The following DYNC2LI1 variants were observed in gnomAD, a reference collection of about 807,000 sequenced individuals.
DYNC2LI1 encodes the protein cytoplasmic dynein 2 light intermediate chain 1.
In DYNC2LI1, 45 loss-of-function variants were observed where a neutral mutation model predicts 51.9. That is an observed-to-expected ratio of 0.87 (90% confidence interval 0.68 to 1.11). The LOEUF (loss-of-function observed/expected upper bound fraction) is 1.11. Among genes scored for constraint, DYNC2LI1 ranks in the 50% most tolerant of loss-of-function variants. The pLI, the probability that DYNC2LI1 is intolerant of heterozygous loss-of-function variation, is 0.00. For synonymous variants in DYNC2LI1, 130 were observed against 137.8 expected (o/e 0.94, Z 0.40); for missense variants, 490 against 417.4 (o/e 1.17, Z -1.51).
At chr2:43,821,556 A>G in the DYNC2LI1 span, among the ~76,000 whole-genome samples, 6 of 152,050 alleles carry the variant, frequency 3.9e-5, no homozygotes, top group African/African-American at 1.4e-4. Flanking sequence ...CCCTTCTGCC[A>G]TTCTTTGCCT....
intron 5 of DYNC2LI1, 57 bp downstream of exon 5, chr2:43,789,778 A>G: frequency 6.7e-7 from 1 of 1,485,102 alleles, no homozygotes. Flanking sequence ...CCTAGGAGGA[A>G]TATGAGTTGG....
At chr2:43,810,496 T>C, downstream of DYNC2LI1, 3 of 985,432 alleles carry the variant, frequency 3.0e-6, no homozygotes, top group Non-Finnish European at 3.6e-6. Context: ...TCTGTAGATG[T>C]GTGTACCTGC....
chr2:43,817,507 AAAAT>A, the DYNC2LI1 span, among the ~76,000 whole-genome samples: 1 of 151,712 alleles, frequency 6.6e-6, no homozygotes, highest in Non-Finnish European at 1.5e-5. Context: ...AACAAAAATA[AAAAT>A]AAAGAGCAAC....
the DYNC2LI1 span, chr2:43,820,009 C>G: frequency 1.9e-6 from 3 of 1,614,054 alleles, no homozygotes; most frequent in African/African-American, 4.0e-5. Flanking sequence ...CCAAGTAGCA[C>G]AAGAGTTAGA....
At chr2:43,794,435 A>G in intron 5 of DYNC2LI1, 22 bp from the exon 6 acceptor site, 4 of 1,578,180 alleles carry the variant, frequency 2.5e-6, no homozygotes, top group Non-Finnish European at 3.4e-6. Context: ...GTCTTTTTTG[A>G]AAAGTGTTTT....
chr2:43,824,656 G>A, the DYNC2LI1 span: 1 of 984,526 alleles, frequency 1.0e-6, no homozygotes, highest in Admixed American at 6.2e-5. Context: ...AGCTAATTAT[G>A]CTCTGATAAA....
chr2:43,783,645 AT>A, intron 3 of DYNC2LI1, 91 bp downstream of exon 3: 1 of 722,514 alleles, frequency 1.4e-6, no homozygotes, highest in Non-Finnish European at 2.2e-6. Context: ...AAGGGGAACG[AT>A]TTTGAGACCC....
At chr2:43,785,458 G>T (rs770298157) in intron 3 of DYNC2LI1, among the ~76,000 whole-genome samples, 4 of 152,074 alleles carry the variant, frequency 2.6e-5, no homozygotes, top group Non-Finnish European at 5.9e-5. Context: ...ATTGGGGTGG[G>T]TGCAGTGGCT....
intron 2 of DYNC2LI1, among the ~76,000 whole-genome samples, chr2:43,778,641 A>T (rs961992345): frequency 6.6e-6 from 1 of 152,216 alleles, no homozygotes; most frequent in African/African-American, 2.4e-5. Context: ...TTCTGTACAC[A>T]GAATATTAGA....
chr2:43,822,467 C>G, the DYNC2LI1 span: 13 of 797,698 alleles, frequency 1.6e-5, no homozygotes, highest in Non-Finnish European at 1.9e-5. Context: ...CTGCTTTCTC[C>G]CCTCCCCCAG....
intron 3 of DYNC2LI1, among the ~76,000 whole-genome samples, chr2:43,783,904 G>A (rs1424512220): frequency 6.6e-6 from 1 of 152,054 alleles, no homozygotes; most frequent in Non-Finnish European, 1.5e-5. Flanking sequence ...GTAAGCTTTA[G>A]TTGCTCAGGG....
chr2:43,788,339 T>G (rs956039485), intron 4 of DYNC2LI1, among the ~76,000 whole-genome samples: 35 of 152,256 alleles, frequency 2.3e-4, no homozygotes, highest in African/African-American at 8.0e-4. Context: ...AAACTTATTT[T>G]ATTGACAATC....
intron 1 of DYNC2LI1, among the ~76,000 whole-genome samples, chr2:43,775,537 C>T (rs1167686865): frequency 6.6e-6 from 1 of 150,578 alleles, no homozygotes; most frequent in African/African-American, 2.4e-5. Context: ...CTTGCTGTGT[C>T]ACCCAGGCTG....
chr2:43,792,911 A>T, intron 5 of DYNC2LI1: 1 of 1,177,178 alleles, frequency 8.5e-7, no homozygotes, highest in Non-Finnish European at 1.1e-6. Context: ...CATGCAGAAC[A>T]TTTGGGTTGT....
chr2:43,817,553 T>G, the DYNC2LI1 span, among the ~76,000 whole-genome samples: 2 of 151,926 alleles, frequency 1.3e-5, no homozygotes, highest in Non-Finnish European at 2.9e-5. Flanking sequence ...CTAATACAAA[T>G]GCTTCTTATG....
intron 4 of DYNC2LI1, 102 bp from the exon 5 acceptor site, chr2:43,789,531 T>G: frequency 1.0e-6 from 1 of 968,542 alleles, no homozygotes; most frequent in Non-Finnish European, 1.5e-6. Context: ...AAAGGGTTGA[T>G]TAAGGACTGC....
intron 12 of DYNC2LI1, 49 bp from the exon 13 acceptor site, chr2:43,809,656 G>C (rs1325650190): frequency 1.4e-6 from 2 of 1,403,610 alleles, no homozygotes; most frequent in South Asian, 1.2e-5. Flanking sequence ...GTGCCTCCTT[G>C]AATTAGTAAA....
At chr2:43,822,477 G>GCCC in the DYNC2LI1 span, 349 of 349,870 alleles carry the variant, frequency 1.0e-3, 1 homozygote, top group African/African-American at 3.9e-3. Flanking sequence ...CCCTCCCCCA[G>GCCC]GCCCCCCCCC....
chr2:43,808,157 C>G (rs567427496), intron 12 of DYNC2LI1, among the ~76,000 whole-genome samples: 7 of 151,812 alleles, frequency 4.6e-5, no homozygotes, highest in African/African-American at 1.5e-4. Flanking sequence ...TGGTAGATAA[C>G]TGGTGAACTG....
Sources: gnomAD v4.1 joint callset for allele counts (sites outside exome capture counted in the v4.1 genomes callset) on GRCh38, gnomAD v4.1.1 for gene constraint, MANE v1.5 for transcripts, NCBI Gene and HGNC (gene_info 2026-07-23, HGNC 2026-07-21) for gene names.